The following RNF213 variants were observed in gnomAD, a reference collection of about 807,000 sequenced individuals.
RNF213 encodes ring finger protein 213.
A neutral mutation model predicts 514.4 loss-of-function variants in RNF213; 341 were observed. That is an observed-to-expected ratio of 0.66 (90% CI 0.61 to 0.73). The LOEUF (loss-of-function observed/expected upper bound fraction) is 0.73, where lower values mean the gene tolerates loss of function less well. RNF213 is among the 30% of genes least tolerant of loss of function. The probability of loss-of-function intolerance (pLI) is 0.00; values close to 1 mark genes in which losing one functional copy is unlikely to be tolerated. For synonymous variants in RNF213, 2,655 were observed against 2,658.2 expected (o/e 1.00, Z 0.04); for missense variants, 5,767 against 6,615.6 (o/e 0.87, Z 4.45).
At chr17:80,374,400 C>A in intron 49 of RNF213, 58 bp from the exon 50 acceptor site, 1 of 1,609,880 alleles carries the variant, frequency 6.2e-7, no homozygotes, top group Non-Finnish European at 8.5e-7. Flanking sequence ...CCCGTTCAGA[C>A]GGTTCTTTGC....
chr17:80,368,992 G>A (rs1225433229), intron 44 of RNF213, among the ~76,000 whole-genome samples: 2 of 152,184 alleles, frequency 1.3e-5, no homozygotes, highest in African/African-American at 4.8e-5. Flanking sequence ...TATTGTTGCC[G>A]GGTCCAAATG....
intron 32 of RNF213, 74 bp from the exon 33 acceptor site, chr17:80,352,866 A>G: frequency 2.5e-6 from 4 of 1,606,514 alleles, no homozygotes; most frequent in Non-Finnish European, 3.4e-6. Flanking sequence ...CAGGGTGTGC[A>G]ATGTCCCTGC....
intron 58 of RNF213, 55 bp downstream of exon 58, chr17:80,383,125 C>T (rs1489702125): frequency 1.0e-5 from 13 of 1,263,044 alleles, no homozygotes. Flanking sequence ...AGGAAGGGTC[C>T]CGGCGTCTGC....
chr17:80,344,570 GT>G, intron 28 of RNF213, 107 bp from the exon 29 acceptor site: 2 of 1,236,166 alleles, frequency 1.6e-6, no homozygotes, highest in Non-Finnish European at 2.4e-6. Flanking sequence ...TTTTCAGTGC[GT>G]TTTTCATAAA....
At chr17:80,355,594 TTA>T (rs1339814509) in intron 36 of RNF213, among the ~76,000 whole-genome samples, 9 of 71,382 alleles carry the variant, frequency 1.3e-4, no homozygotes, top group African/African-American at 2.9e-4. Context: ...GAATGGGGGC[TTA>T]CAGGGGAAGA....
intron 46 of RNF213, 22 bp downstream of exon 46, chr17:80,369,889 G>C: frequency 6.6e-7 from 1 of 1,521,618 alleles, no homozygotes; most frequent in Non-Finnish European, 9.1e-7. Context: ...ATGGAGACTT[G>C]CTTCTGGAAA....
Position 80,337,934 on chromosome 17 carries a change from C to A in RNF213, c.4770C>A (p.Asn1590Lys). The change falls in exon 25 of 68, where the codon AAC (asparagine) becomes AAA (lysine). Residue 1590 changes from asparagine (N) to lysine (K), a missense_variant. Coordinates refer to ENST00000582970, the MANE Select transcript of RNF213 (RefSeq NM_001256071.3). ...YSLEEVKELLNKLMLMSGKKD... is the reference protein window; with the variant it reads ...YSLEEVKELLKKLMLMSGKKD... ...TAGAGGAGGTGAAGGAGCTTTTGAACAAGTTGATGCTGATGTCTGGCAAGA... is the reference window on the plus strand; with the variant it reads ...TAGAGGAGGTGAAGGAGCTTTTGAAAAAGTTGATGCTGATGTCTGGCAAGA... 6.5e-7 allele frequency: 1 copy of A among 1,537,274 alleles called. No individual in the cohort carries two copies. Among genetic ancestry groups the A allele is most frequent in the Non-Finnish European group, 8.7e-7 (1 of 1,146,906 alleles).
intron 32 of RNF213, 105 bp from the exon 33 acceptor site, chr17:80,352,835 C>T (rs2078578996): frequency 1.7e-5 from 26 of 1,550,068 alleles, no homozygotes; most frequent in East Asian, 2.2e-5. Context: ...TCATTCATTG[C>T]GCAGCAAGAT....
chr17:80,354,625 T>C lies in RNF213; in HGVS notation c.10862+49T>C, dbSNP rs200483027. On this transcript the variant is annotated intron_variant, in intron 36 of 67. Transcript: ENST00000582970. ...GAGTGGCTCCAATCTGGTGGCAGCA[T>C]GGGGACCTGCCTGCAGGGATCCTCT... 254 of 1,609,564 alleles carry C rather than the reference T, an allele frequency of 1.6e-4. 1 individual carries two copies. Among genetic ancestry groups the C allele is most frequent in the Middle Eastern group, 1.4e-3 (8 of 5,692 alleles).
chr17:80,351,555 G>A, intron 31 of RNF213, 130 bp from the exon 32 acceptor site: 1 of 636,752 alleles, frequency 1.6e-6, no homozygotes, highest in Non-Finnish European at 2.9e-6. Context: ...CGGAACGGGT[G>A]GCCGTGAGAC....
chr17:80,386,900 G>A lies in RNF213; in HGVS notation c.14922+9G>A. ...CCCGGCTGAGCCTCAAGGTAGGGCT[G>A]ACTCCTGCCACTGCTGCTCATTTGG... On this transcript the variant is annotated intron_variant, in intron 63 of 67. Coordinates refer to ENST00000582970, the MANE Select transcript of RNF213 (RefSeq NM_001256071.3). The A allele has an allele frequency of 6.2e-7, 1 of 1,605,218 alleles. No homozygotes were observed. Among genetic ancestry groups the A allele is most frequent in the Non-Finnish European group, 8.5e-7 (1 of 1,176,608 alleles).
At chr17:80,349,528 G>A (rs1448080735) in intron 29 of RNF213, among the ~76,000 whole-genome samples, 6 of 152,194 alleles carry the variant, frequency 3.9e-5, no homozygotes, top group Non-Finnish European at 7.3e-5. Context: ...CTCTGGGGAG[G>A]AGAGGAAGGC....
chr17:80,385,487 C>G (rs375460513), intron 60 of RNF213, 51 bp from the exon 61 acceptor site: 5 of 1,557,178 alleles, frequency 3.2e-6, no homozygotes, highest in Non-Finnish European at 4.4e-6. Flanking sequence ...TGGTTTGGCC[C>G]TTTCAGGGGG....
intron 22 of RNF213, among the ~76,000 whole-genome samples, chr17:80,335,083 AG>A (rs1464333964): frequency 6.6e-6 from 1 of 150,814 alleles, no homozygotes; most frequent in Non-Finnish European, 1.5e-5. Flanking sequence ...CACCACACCC[AG>A]CTACTTTTTT....
In RNF213 at chr17:80,319,210, C is replaced by T; in HGVS notation, c.2922C>T (p.Ile974=). 8 of 1,614,210 alleles carry T rather than the reference C, an allele frequency of 5.0e-6. No individual in the cohort carries two copies. Among genetic ancestry groups the T allele is most frequent in the Non-Finnish European group, 5.9e-6 (7 of 1,180,036 alleles). ...TGCAGGAGGAACCCCTCTCCCAGAT[C>T]ACTGCCTACTGCAATAGTTGCTGGG... ...RLTKEEPLSQ[I]TAYCNSCWDT... is the part of the protein sequence containing the mutation. Residue 974 remains isoleucine (I), a synonymous_variant, in exon 17 of 68, where the codon ATC becomes ATT. Coordinates refer to ENST00000582970, the MANE Select transcript of RNF213 (RefSeq NM_001256071.3).
chr17:80,389,735 G>A, intron 65 of RNF213, 93 bp from the exon 66 acceptor site: 2 of 1,011,396 alleles, frequency 2.0e-6, no homozygotes, highest in Non-Finnish European at 3.1e-6. Context: ...AGAGAAGAAT[G>A]CCTGTGTGGA....
intron 3 of RNF213, among the ~76,000 whole-genome samples, chr17:80,279,971 G>A (rs1388975624): frequency 6.6e-6 from 1 of 152,130 alleles, no homozygotes; most frequent in Admixed American, 6.5e-5. Context: ...CCCGCACCGC[G>A]CTCCCCCCAG....
intron 10 of RNF213, among the ~76,000 whole-genome samples, chr17:80,296,657 G>A (rs543759568): frequency 1.3e-5 from 2 of 152,274 alleles, no homozygotes; most frequent in Non-Finnish European, 2.9e-5. Context: ...GTCTTATCAC[G>A]ACATCTGCCT....
chr17:80,279,164 T>G (rs2044170056), intron 3 of RNF213, among the ~76,000 whole-genome samples: 1 of 152,220 alleles, frequency 6.6e-6, no homozygotes, highest in Non-Finnish European at 1.5e-5. Flanking sequence ...GCCCACATCC[T>G]TCCACTTGCC....
Sources: gnomAD v4.1 joint callset for allele counts (sites outside exome capture counted in the v4.1 genomes callset) on GRCh38, gnomAD v4.1.1 for gene constraint, MANE v1.5 for transcripts, NCBI Gene and HGNC (gene_info 2026-07-23, HGNC 2026-07-21) for gene names.